Variants in ZNF592 observed in about 807,000 individuals in gnomAD.
ZNF592 encodes the protein spinocerebellar ataxia, autosomal recessive 5.
In ZNF592, 11 loss-of-function variants were observed where a neutral mutation model predicts 80.3. The observed-to-expected ratio is 0.14, with a 90% CI of 0.09 to 0.23. ZNF592 has a LOEUF of 0.23. Ranked by LOEUF, ZNF592 falls within the 10% of genes least tolerant of loss-of-function variation. The probability of loss-of-function intolerance (pLI) is 1.00; values close to 1 mark genes in which losing one functional copy is unlikely to be tolerated. For synonymous variants in ZNF592, 646 were observed against 640.3 expected, an observed-to-expected ratio of 1.01 and a Z score of -0.13; for missense variants, 1,420 against 1,633.9, an observed-to-expected ratio of 0.87 and a Z score of 2.26.
intron 2 of ZNF592, among the ~76,000 whole-genome samples, chr15:84,771,930 C>T (rs1962093660): frequency 6.6e-6 from 1 of 152,118 alleles, no homozygotes; most frequent in Non-Finnish European, 1.5e-5. Flanking sequence ...ATGTAGAAAT[C>T]CCTAAGATCT....
Position 84,798,255 on chromosome 15 carries a change from A to G in ZNF592, c.2577-60A>G. The G allele has an allele frequency of 6.2e-7, 1 of 1,611,448 alleles. No homozygotes were observed. The highest frequency in any genetic ancestry group is 1.1e-5 in the South Asian group (1 of 90,820). ...TGACCCTGGTTCAGAGAGAGCAGAG[A>G]TGGGTGGAGGGGCTGCATGGTGCCT... On this transcript the variant is annotated intron_variant, in intron 6 of 10. Transcript: ENST00000560079. This position sits in a 1 kb window ranked among gnomAD's most constrained non-coding sequence, Gnocchi z 4.5.
At chr15:84,780,966 A>G (rs1596121716) in intron 3 of ZNF592, among the ~76,000 whole-genome samples, 1 of 152,122 alleles carries the variant, frequency 6.6e-6, no homozygotes, top group Non-Finnish European at 1.5e-5. Context: ...ACATTTTTGT[A>G]TTAGTCTTTT....
At chr15:84,754,895 G>A (rs72630464) in intron 1 of ZNF592, among the ~76,000 whole-genome samples, 20,562 of 151,396 alleles carry the variant, frequency 0.14, 1,487 homozygotes, top group Non-Finnish European at 0.17. Context: ...GTGTGGTGGC[G>A]TAGGGGGACT....
chr15:84,798,153 G>A lies in ZNF592; in HGVS notation c.2576+108G>A. On this transcript the variant is annotated intron_variant, in intron 6 of 10. Coordinates refer to ENST00000560079, the MANE Select transcript of ZNF592 (RefSeq NM_014630.3). The surrounding 1 kb of genome is among the most constrained non-coding windows in gnomAD (Gnocchi z 4.5). ...TGAGGGAGCTGGGGTTAGTGGCAGA[G>A]GTGCCTGGGGTCGTACTAAGGATGT... 3 of 1,564,926 alleles carry A rather than the reference G, an allele frequency of 1.9e-6. No individual in the cohort carries two copies. The highest frequency in any genetic ancestry group is 3.4e-5 in the Admixed American group (2 of 58,160).
chr15:84,790,645 A>T, intron 4 of ZNF592, 60 bp from the exon 5 acceptor site: 2 of 1,575,284 alleles, frequency 1.3e-6, no homozygotes, highest in Non-Finnish European at 1.7e-6. Context: ...GACAGCCCTG[A>T]TTGGAGAGCC....
intron 1 of ZNF592, among the ~76,000 whole-genome samples, chr15:84,755,282 A>G (rs1381213116): frequency 6.6e-6 from 1 of 151,850 alleles, no homozygotes; most frequent in African/African-American, 2.4e-5. Flanking sequence ...TGAAAACTTT[A>G]AAGAAGTTTT....
At chr15:84,749,798 T>TA (rs766302726) in intron 1 of ZNF592, among the ~76,000 whole-genome samples, 9 of 152,226 alleles carry the variant, frequency 5.9e-5, no homozygotes, top group Non-Finnish European at 1.2e-4. Flanking sequence ...ACCTCACTGT[T>TA]ACGTTACACA....
At position 84,802,630 on chromosome 15, in the gene ZNF592, T is replaced by G. The variant is rs913558871; in HGVS notation, c.*237T>G. On this transcript the variant is annotated 3_prime_UTR_variant, in exon 11 of 11. Transcript: ENST00000560079. ...CTGTTATTTATGGCTTTTCGCTGCT[T>G]CTTGGTGCCCCATCTCTTGTCTGTG... 15 of 578,422 alleles carry G rather than the reference T, an allele frequency of 2.6e-5. No individual in the cohort carries two copies. In the African/African-American group the frequency reaches 2.6e-4, roughly 10 times the overall value. The allele number at this position is 578,422 out of a possible 1,614,324, so 35.8% of individuals were successfully genotyped here.
At chr15:84,759,004 A>C (rs1899265405) in intron 1 of ZNF592, among the ~76,000 whole-genome samples, 1 of 152,174 alleles carries the variant, frequency 6.6e-6, no homozygotes, top group African/African-American at 2.4e-5. Context: ...CAGTTACAGT[A>C]GATACCTACC....
In ZNF592 at chr15:84,802,500, G is replaced by A. The variant is rs1963129349; in HGVS notation, c.*107G>A. 4.4e-6 allele frequency: 6 copies of A among 1,356,576 alleles called. No individual in the cohort carries two copies. Among genetic ancestry groups the A allele is most frequent in the South Asian group, 2.5e-5 (2 of 79,828 alleles). The allele number at this position is 1,356,576 out of a possible 1,614,324, so 84.0% of individuals were successfully genotyped here. ...CTCTGCCCCCAGTGTGAGTGTGACC[G>A]GTTGTACCCTGGAGTAGTGTCTGCC... On this transcript the variant is annotated 3_prime_UTR_variant, in exon 11 of 11. Coordinates refer to ENST00000560079, the MANE Select transcript of ZNF592 (RefSeq NM_014630.3).
intron 4 of ZNF592, among the ~76,000 whole-genome samples, chr15:84,787,684 T>C (rs1036700080): frequency 1.3e-5 from 2 of 152,228 alleles, no homozygotes; most frequent in African/African-American, 4.8e-5. Context: ...GTCAGCCAGA[T>C]GGATATTGTC....
At chr15:84,794,375 A>C (rs1408259432) in intron 5 of ZNF592, among the ~76,000 whole-genome samples, 1 of 152,176 alleles carries the variant, frequency 6.6e-6, no homozygotes, top group Non-Finnish European at 1.5e-5. Context: ...CACCCTTGCC[A>C]ACACTTGTTA....
Position 84,784,554 on chromosome 15 carries a change from T to C in ZNF592, c.1879T>C (p.Phe627Leu). Residue 627 changes from phenylalanine (F) to leucine (L), a missense_variant, in exon 4 of 11, where the codon TTC becomes CTC. Physicochemically the swap from Phe to Leu is conservative, Grantham distance 22 (BLOSUM62 0). Transcript: ENST00000560079. This position sits in a 1 kb window ranked among gnomAD's most constrained non-coding sequence, Gnocchi z 5.8. Reference protein sequence around the residue: ...CTLCSKTLLFFNKCSLLRHAR... With the variant: ...CTLCSKTLLFLNKCSLLRHAR... Reference sequence around the variant, plus strand: ...ACTGTGCTCCAAGACGCTGCTCTTCTTCAACAAGTGCAGCCTGCTCCGGCA... The same window carrying C: ...ACTGTGCTCCAAGACGCTGCTCTTCCTCAACAAGTGCAGCCTGCTCCGGCA... 2 of 1,614,188 alleles carry C rather than the reference T, an allele frequency of 1.2e-6. No individual in the cohort carries two copies. Among genetic ancestry groups the C allele is most frequent in the East Asian group, 2.2e-5 (1 of 44,892 alleles).
In ZNF592 at chr15:84,798,620, G is replaced by A. The variant is rs1962996359; in HGVS notation, c.2769G>A (p.Glu923=). 1 of 1,614,086 alleles carries A rather than the reference G, an allele frequency of 6.2e-7. No homozygotes were observed. The highest frequency in any genetic ancestry group is 8.5e-7 in the Non-Finnish European group (1 of 1,180,038). Residue 923 remains glutamate, a synonymous_variant, in exon 8 of 11, where the codon GAG becomes GAA. Transcript: ENST00000560079. The surrounding 1 kb of genome is among the most constrained non-coding windows in gnomAD (Gnocchi z 4.5). ...ACGGTGTTCCCCGAAATGTGGACGA[G>A]CTGTCAAGCCTCCAGTCTTCAGCGG... ...STHGVPRNVD[E]LSSLQSSADT...
intron 1 of ZNF592, among the ~76,000 whole-genome samples, chr15:84,750,296 C>T (rs148264241): frequency 0.013 from 1,910 of 152,178 alleles, 42 homozygotes; most frequent in African/African-American, 0.042. Context: ...GAGTGAGACT[C>T]CATCTCAAAA....
intron 1 of ZNF592, among the ~76,000 whole-genome samples, chr15:84,763,471 A>T (rs557447274): frequency 6.6e-6 from 1 of 152,184 alleles, no homozygotes; most frequent in African/African-American, 2.4e-5. Context: ...TTTATTTACT[A>T]TTGGACAGCA....
rs1962459843 is a variant in ZNF592 at position 84,782,904 on chromosome 15, G to C, written c.229G>C (p.Glu77Gln). The C allele has an allele frequency of 6.2e-7, 1 of 1,614,172 alleles. No homozygotes were observed. The highest frequency in any genetic ancestry group is 1.3e-5 in the African/African-American group (1 of 75,024). Residue 77 changes from glutamate to glutamine, a missense_variant, in exon 4 of 11, where the codon GAG (glutamate) becomes CAG (glutamine). By Grantham distance (29) the Glu-to-Gln change is conservative. This residue lies in a region of ZNF592 where 373 missense variants were observed against 355.5 expected (regional missense o/e 1.05). Transcript: ENST00000560079. ...CATTGTCAAGAACACCAGCCGCCAG[G>C]AGTCATTTGAAGCGGAGAAAGACCA... ...SVIVKNTSRQESFEAEKDHIT... is the reference protein window; with the variant it reads ...SVIVKNTSRQQSFEAEKDHIT...
chr15:84,768,170 G>A (rs902202927), intron 2 of ZNF592, among the ~76,000 whole-genome samples: 1 of 149,972 alleles, frequency 6.7e-6, no homozygotes, highest in Non-Finnish European at 1.5e-5. Flanking sequence ...TTACAGCCAC[G>A]AGCCATAGTG....
chr15:84,763,959 A>G (rs974828341), intron 1 of ZNF592, among the ~76,000 whole-genome samples: 3 of 152,222 alleles, frequency 2.0e-5, no homozygotes, highest in Non-Finnish European at 2.9e-5. Context: ...ATGTTTGGCT[A>G]CAGTTAGGGA....
Sources: allele counts gnomAD v4.1 joint callset (sites outside exome capture counted in the v4.1 genomes callset), GRCh38; gene constraint gnomAD v4.1.1; regional missense constraint gnomAD v4.1.1; non-coding constraint Gnocchi (gnomAD v3.1); transcripts MANE v1.5; gene names NCBI Gene and HGNC (gene_info 2026-07-23, HGNC 2026-07-21).